The following BAG6 variants were observed in gnomAD, a reference collection of about 807,000 sequenced individuals.
BAG6 encodes the protein BAG cochaperone 6, also known as large proline-rich protein BAG6.
A neutral mutation model predicts 121.0 loss-of-function variants in BAG6; 22 were observed. The ratio of observed to expected loss-of-function variants is 0.18; its 90% CI spans 0.13 to 0.26. The LOEUF (loss-of-function observed/expected upper bound fraction) is 0.26. BAG6 is among the 10% of genes least tolerant of loss of function. BAG6 has a pLI of 1.00. For missense variants in BAG6, 1,233 were observed against 1,537.7 expected (o/e 0.80, Z 3.31); for synonymous variants, 583 against 584.6 (o/e 1.00, Z 0.04).
chr6:31,645,695 C>T, intron 8 of BAG6, 91 bp from the exon 9 acceptor site: 2 of 1,467,924 alleles, frequency 1.4e-6, no homozygotes, highest in Non-Finnish European at 1.9e-6. Context: ...CTGAGAATAC[C>T]ATGTCCTCCA....
At chr6:31,646,766 GTTTTTTTTTTTT>G (rs66820473) in intron 7 of BAG6, among the ~76,000 whole-genome samples, 1 of 60,638 alleles carries the variant, frequency 1.6e-5, no homozygotes, top group Non-Finnish European at 2.9e-5. Context: ...GCTAATTTTT[GTTTTTTTTTTTT>G]TTTTTTTTTT....
intron 14 of BAG6, 129 bp from the exon 15 acceptor site, chr6:31,643,244 A>C: frequency 1.1e-6 from 1 of 877,238 alleles, no homozygotes; most frequent in Non-Finnish European, 1.7e-6. Context: ...GCAAGACCCC[A>C]TCTCTACCAG....
Position 31,644,933 on chromosome 6 carries a change from C to T in BAG6, c.1369+13G>A. The T allele has an allele frequency of 6.4e-7, 1 of 1,558,700 alleles. No homozygotes were observed. The highest frequency in any genetic ancestry group is 1.2e-5 in the South Asian group (1 of 81,972). ...ATGCTGATCCTGCTCTTCTCGCCAG[C>T]AACTATTCTCACCTTGAATGTTCAT... On this transcript the variant is annotated intron_variant, in intron 10 of 25. Transcript: ENST00000676615. This position sits in a 1 kb window ranked among gnomAD's most constrained non-coding sequence, Gnocchi z 4.9.
At position 31,647,638 on chromosome 6, in the gene BAG6, G is replaced by A. The variant is rs1791277964; in HGVS notation, c.741C>T (p.Gly247=). The A allele has an allele frequency of 1.2e-6, 2 of 1,606,252 alleles. No individual in the cohort carries two copies. The highest frequency in any genetic ancestry group is 1.3e-5 in the African/African-American group (1 of 74,570). Residue 247 remains glycine, a synonymous_variant, in exon 7 of 26, where the codon GGC becomes GGT. Coordinates refer to ENST00000676615, the MANE Select transcript of BAG6 (RefSeq NM_001387994.1). ...APAQNPELTP[G]PAPAGPTPAP... is the part of the protein sequence containing the mutation. ...CAGGTGTTGGGCCCGCTGGGGCTGG[G>A]CCAGGAGTGAGCTCCGGGTTCTGGG...
At chr6:31,650,523 G>A (rs1583460189) in intron 2 of BAG6, among the ~76,000 whole-genome samples, 1 of 152,000 alleles carries the variant, frequency 6.6e-6, no homozygotes, top group Non-Finnish European at 1.5e-5. Context: ...TTAGCCGGGC[G>A]TGGTAGTAGG....
At chr6:31,650,107 TTAAA>T (rs1276825517) in intron 2 of BAG6, among the ~76,000 whole-genome samples, 8 of 151,378 alleles carry the variant, frequency 5.3e-5, no homozygotes, top group Non-Finnish European at 7.4e-5. Flanking sequence ...TCTCAAAAAA[TTAAA>T]TAAATAAACT....
In BAG6 at chr6:31,639,566, C is replaced by A; in HGVS notation, c.3327G>T (p.Leu1109=). The stretch of plus-strand genomic sequence containing the variant: ...CCCGGCTCAGGCTCTCGGGGCTCGT[C>A]AGGGGCCGAGCTCCGGCTGCCTTAG... ...RAAKAAGARP[L]TSPESLSRDL... is the part of the protein sequence containing the mutation. The change falls in exon 25 of 26, where the codon CTG becomes CTT. Residue 1109 remains leucine, a synonymous_variant. Transcript: ENST00000676615. The A allele has an allele frequency of 6.2e-7, 1 of 1,614,158 alleles. No individual in the cohort carries two copies. The highest frequency in any genetic ancestry group is 2.2e-5 in the East Asian group (1 of 44,882).
Position 31,644,964 on chromosome 6 carries a change from T to C in BAG6, c.1351A>G (p.Met451Val). 6.3e-7 allele frequency: 1 copy of C among 1,591,178 alleles called. No individual in the cohort carries two copies. The highest frequency in any genetic ancestry group is 1.1e-5 in the South Asian group (1 of 88,128). ...SHQSVEPVVM[M>V]HMNIQDSGTQ... ...TTCTCACCTTGAATGTTCATGTGCA[T>C]CATGACCACGGGTTCCACACTCTGG... is the stretch of plus-strand genomic sequence containing the variant. Residue 451 changes from methionine to valine, a missense_variant, in exon 10 of 26, where the codon ATG becomes GTG. Transcript: ENST00000676615. The surrounding 1 kb of genome is among the most constrained non-coding windows in gnomAD (Gnocchi z 4.9).
rs2150708230 is a variant in BAG6 at position 31,641,578 on chromosome 6, T to C, written c.2520A>G (p.Thr840=). 2.5e-6 allele frequency: 4 copies of C among 1,614,116 alleles called. No homozygotes were observed. In the South Asian group the frequency reaches 3.3e-5, roughly 13 times the overall value. Residue 840 remains threonine (T), a synonymous_variant, in exon 18 of 26, where the codon ACA becomes ACG. Coordinates refer to ENST00000676615, the MANE Select transcript of BAG6 (RefSeq NM_001387994.1). The surrounding 1 kb of genome is among the most constrained non-coding windows in gnomAD (Gnocchi z 5.7). ...CATACTCTTCTAGCCCCGTGATCAA[T>C]GTGTGGGTTGCCATCTGTGGAGGAA... is the stretch of plus-strand genomic sequence containing the variant. ...TPSNIRMATH[T]LITGLEEYVR...
chr6:31,643,717 A>G (rs1178545555), intron 14 of BAG6, among the ~76,000 whole-genome samples, 173 bp downstream of exon 14: 1 of 95,536 alleles, frequency 1.0e-5, no homozygotes, highest in Non-Finnish European at 2.2e-5. Flanking sequence ...GTGAGACTCC[A>G]TCTCAAAAAA....
rs1303068141 is a variant in BAG6, at chr6:31,645,550, G to C, written c.973C>G (p.Arg325Gly). The change falls in exon 9 of 26, where the codon CGA (arginine) becomes GGA (glycine). Residue 325 changes from arginine (R) to glycine (G), a missense_variant. Physicochemically the swap from Arg to Gly is moderately radical, Grantham distance 125. Around this residue, in one of 7 missense-constraint regions of BAG6, gnomAD observed 777 missense variants for 861.4 expected, o/e 0.90. Coordinates refer to ENST00000676615, the MANE Select transcript of BAG6 (RefSeq NM_001387994.1). ...RLINLVGESLRLLGNTFVALS... is the reference protein window; with the variant it reads ...RLINLVGESLGLLGNTFVALS... ...GCAACAAAGGTGTTGCCCAGCAGTCGCAGGCTCTCCCCTACCAAGTTGATC... is the reference window on the plus strand; with the variant it reads ...GCAACAAAGGTGTTGCCCAGCAGTCCCAGGCTCTCCCCTACCAAGTTGATC... The C allele has an allele frequency of 1.2e-6, 2 of 1,613,128 alleles. No homozygotes were observed. The highest frequency in any genetic ancestry group is 1.7e-6 in the Non-Finnish European group (2 of 1,180,042).
intron 6 of BAG6, 118 bp downstream of exon 6, chr6:31,648,556 GAGA>G: frequency 1.1e-6 from 1 of 920,686 alleles, no homozygotes; most frequent in Non-Finnish European, 1.7e-6. Flanking sequence ...GAATACTGCA[GAGA>G]AGACTAGATT....
At position 31,652,424 on chromosome 6, in the gene BAG6, C is replaced by CT. The variant is rs1271023667; in HGVS notation, c.-15dup. 6.5e-6 allele frequency: 1 copy of CT among 152,696 alleles called. No individual in the cohort carries two copies. Among genetic ancestry groups the CT allele is most frequent in the Non-Finnish European group, 1.5e-5 (1 of 68,352 alleles). The allele number at this position is 152,696 out of a possible 1,614,324, so 9.5% of individuals were successfully genotyped here. On this transcript the variant is annotated splice_region_variant and 5_prime_UTR_variant, in exon 1 of 26. Coordinates refer to ENST00000676615, the MANE Select transcript of BAG6 (RefSeq NM_001387994.1). Reference sequence around the variant, plus strand: ...CCGTCACTTCCGGTCTCCCCCAAACCTGCCACCGACGGCCACTTCCGTTTC... The same window carrying CT: ...CCGTCACTTCCGGTCTCCCCCAAACCTTGCCACCGACGGCCACTTCCGTTTC...
intron 7 of BAG6, 87 bp from the exon 8 acceptor site, chr6:31,646,610 C>A: frequency 6.6e-7 from 1 of 1,524,272 alleles, no homozygotes; most frequent in South Asian, 1.2e-5. Flanking sequence ...TGCCCTCTTT[C>A]TCCCTGGTCT....
chr6:31,641,794 G>C lies in BAG6; in HGVS notation c.2487C>G (p.Pro829=), dbSNP rs199533243. ...FHQHYLGGQE[P]TPSNIRMATH... is the part of the protein sequence containing the mutation. ...CATTTACCCGGATGTTACTGGGTGT[G>C]GGCTCCTGACCACCCAGGTAGTGCT... The change falls in exon 17 of 26, where the codon CCC becomes CCG. Residue 829 remains proline, a synonymous_variant. Transcript: ENST00000676615. This position sits in a 1 kb window ranked among gnomAD's most constrained non-coding sequence, Gnocchi z 5.7. The C allele has an allele frequency of 9.3e-6, 15 of 1,613,068 alleles. No homozygotes were observed. Among genetic ancestry groups the C allele is most frequent in the Non-Finnish European group, 5.1e-6 (6 of 1,180,018 alleles).
chr6:31,646,521 T>C lies in BAG6; in HGVS notation c.791A>G (p.His264Arg), dbSNP rs953741998. 3.1e-6 allele frequency: 5 copies of C among 1,612,374 alleles called. No homozygotes were observed. In the African/African-American group the frequency reaches 4.0e-5, roughly 13 times the overall value. ...CTCGACATACTCCGCAGGGGAAGGA[T>C]GGCTGTGGACAAACCCAAGGGGCAA... is the stretch of plus-strand genomic sequence containing the variant. ...TPAPETNAPN[H>R]PSPAEYVEVL... Residue 264 changes from histidine to arginine, a missense_variant and splice_region_variant, in exon 8 of 26, where the codon CAT becomes CGT. Transcript: ENST00000676615.
intron 4 of BAG6, 85 bp downstream of exon 4, chr6:31,649,114 T>C (rs1793488837): frequency 2.6e-6 from 4 of 1,562,356 alleles, no homozygotes; most frequent in South Asian, 1.1e-5. Flanking sequence ...AATCTAAAGA[T>C]GGAAGCATCT....
chr6:31,640,840 G>C lies in BAG6; in HGVS notation c.2886C>G (p.Gly962=). The change falls in exon 21 of 26, where the codon GGC becomes GGG. Residue 962 remains glycine (G), a synonymous_variant. Coordinates refer to ENST00000676615, the MANE Select transcript of BAG6 (RefSeq NM_001387994.1). The surrounding 1 kb of genome is among the most constrained non-coding windows in gnomAD (Gnocchi z 4.2). ...LQVVLEHMPV[G]PDAILRYVRR... is the part of the protein sequence containing the mutation. ...GAACGTATCTGAGAATGGCATCAGGGCCTACAGGCATGTGCTCCAGTACCA... is the reference window on the plus strand; with the variant it reads ...GAACGTATCTGAGAATGGCATCAGGCCCTACAGGCATGTGCTCCAGTACCA... The C allele has an allele frequency of 6.2e-7, 1 of 1,612,648 alleles. No homozygotes were observed. The highest frequency in any genetic ancestry group is 8.5e-7 in the Non-Finnish European group (1 of 1,180,028).
chr6:31,643,767 G>C, intron 14 of BAG6, 123 bp downstream of exon 14: 1 of 433,460 alleles, frequency 2.3e-6, no homozygotes, highest in African/African-American at 2.8e-5. Flanking sequence ...GAAGACACAA[G>C]ACACTACAGC....
Sources: gnomAD v4.1 joint callset for allele counts (sites outside exome capture counted in the v4.1 genomes callset) on GRCh38, gnomAD v4.1.1 for gene constraint, gnomAD v4.1.1 regional missense constraint, Gnocchi (gnomAD v3.1) non-coding constraint, MANE v1.5 for transcripts, NCBI Gene and HGNC (gene_info 2026-07-23, HGNC 2026-07-21) for gene names.